APBB2: variants seen among roughly 807,000 people sequenced by gnomAD.
APBB2 encodes amyloid beta precursor protein binding family B member 2, also known as Fe65-like 1.
Under a neutral mutation model 82.5 loss-of-function variants are expected in APBB2, and 38 were observed. That is an observed-to-expected ratio of 0.46 (90% CI 0.36 to 0.60). The LOEUF is 0.60. APBB2 is among the 20% of genes least tolerant of loss of function. The pLI is 0.00. For missense variants in APBB2, 772 were observed against 972.3 expected (o/e 0.79, Z 2.74); for synonymous variants, 341 against 368.2 (o/e 0.93, Z 0.85).
chr4:40,826,302 G>A lies in APBB2; in HGVS notation c.1733-332C>T, dbSNP rs1009247354. ...TAATTAGGTGTGGTTGATGCCCAGAGAAAATGTAACCTCAAAGGGCACAAT... is the reference window on the plus strand; with the variant it reads ...TAATTAGGTGTGGTTGATGCCCAGAAAAAATGTAACCTCAAAGGGCACAAT... On this transcript the variant is annotated intron_variant, in intron 14 of 17. Coordinates refer to ENST00000508593, the MANE Select transcript of APBB2 (RefSeq NM_004307.2). This position sits in a 1 kb window ranked among gnomAD's most constrained non-coding sequence, Gnocchi z 4.5. Among the ~76,000 whole-genome samples, 4 of 151,816 alleles carry A rather than the reference G, an allele frequency of 2.6e-5. No homozygotes were observed. The highest frequency in any genetic ancestry group is 9.7e-5 in the African/African-American group (4 of 41,276).
intron 1 of APBB2, among the ~76,000 whole-genome samples, chr4:41,167,841 C>T (rs747220030): frequency 6.6e-6 from 1 of 152,228 alleles, no homozygotes; most frequent in Non-Finnish European, 1.5e-5. Context: ...CTGGAAACTA[C>T]TGGCAGCCAT....
chr4:41,207,754 C>T (rs1312398097), intron 1 of APBB2: 2 of 152,224 alleles, frequency 1.3e-5, no homozygotes, highest in Non-Finnish European at 2.9e-5. Flanking sequence ...CCACAAACTC[C>T]ACATGTTGGC....
At chr4:40,906,489 GAAAAGAAAAGAAAAGAA>G (rs1776784475) in intron 10 of APBB2, among the ~76,000 whole-genome samples, 1 of 122,490 alleles carries the variant, frequency 8.2e-6, no homozygotes, top group African/African-American at 3.1e-5. Flanking sequence ...AAAAAAAAAA[GAAAAGAAAAGAAAAGAA>G]AAAAGAAAAC....
At chr4:40,937,325 A>G (rs906421708) in intron 7 of APBB2, among the ~76,000 whole-genome samples, 6 of 152,218 alleles carry the variant, frequency 3.9e-5, no homozygotes, top group African/African-American at 1.4e-4. Context: ...ATTTTCTAAA[A>G]CAAGTACTCA....
intron 6 of APBB2, among the ~76,000 whole-genome samples, chr4:40,995,568 CA>C (rs1803407809): frequency 6.8e-6 from 1 of 146,658 alleles, no homozygotes; most frequent in African/African-American, 2.5e-5. Context: ...TTTTTTGAAA[CA>C]GACTCACTTT....
intron 2 of APBB2, among the ~76,000 whole-genome samples, chr4:41,131,598 A>G (rs558947810): frequency 1.3e-5 from 2 of 152,342 alleles, no homozygotes; most frequent in Admixed American, 6.5e-5. Context: ...TTAAGGTCAG[A>G]TATCAGTACA....
chr4:41,194,737 CCT>C, intron 1 of APBB2, among the ~76,000 whole-genome samples: 1 of 152,094 alleles, frequency 6.6e-6, no homozygotes, highest in Non-Finnish European at 1.5e-5. Context: ...AACAATGAGA[CCT>C]CTAGGGTATG....
At chr4:40,869,356 T>G (rs1764838055) in intron 12 of APBB2, among the ~76,000 whole-genome samples, 1 of 151,674 alleles carries the variant, frequency 6.6e-6, no homozygotes, top group African/African-American at 2.4e-5. Flanking sequence ...CTGAGTGAGG[T>G]AGGAGGATCA....
At chr4:40,863,150 T>G (rs1763188813) in intron 12 of APBB2, among the ~76,000 whole-genome samples, 1 of 152,232 alleles carries the variant, frequency 6.6e-6, no homozygotes, top group Non-Finnish European at 1.5e-5. Flanking sequence ...AACCATGCTT[T>G]ACTTGTTTTT....
intron 4 of APBB2, among the ~76,000 whole-genome samples, chr4:41,057,602 T>A (rs1476400834): frequency 2.0e-5 from 3 of 152,216 alleles, no homozygotes; most frequent in Non-Finnish European, 4.4e-5. Flanking sequence ...AAGTCATTCG[T>A]TTAGAATTCT....
At chr4:41,160,172 G>C (rs937424455) in intron 1 of APBB2, among the ~76,000 whole-genome samples, 8 of 152,258 alleles carry the variant, frequency 5.3e-5, no homozygotes, top group African/African-American at 1.9e-4. Flanking sequence ...CAAGCTGGCT[G>C]TAAGGAACGG....
chr4:41,096,920 C>G (rs1267609422), intron 3 of APBB2, among the ~76,000 whole-genome samples: 1 of 152,170 alleles, frequency 6.6e-6, no homozygotes, highest in Non-Finnish European at 1.5e-5. Context: ...ATAATGAGCT[C>G]CTGGCACACA....
Sources: allele counts gnomAD v4.1 joint callset (sites outside exome capture counted in the v4.1 genomes callset), GRCh38; gene constraint gnomAD v4.1.1; non-coding constraint Gnocchi (gnomAD v3.1); transcripts MANE v1.5; gene names NCBI Gene and HGNC (gene_info 2026-07-23, HGNC 2026-07-21).